CSF2RA: variants seen among roughly 807,000 people sequenced by gnomAD.
CSF2RA encodes the protein granulocyte-macrophage colony-stimulating factor receptor subunit alpha.
Under a neutral mutation model 51.6 loss-of-function variants are expected in CSF2RA, and 42 were observed. That is an observed-to-expected ratio of 0.81 (90% CI 0.64 to 1.05). The LOEUF is 1.05. Ranked by LOEUF, CSF2RA falls within the 50% of genes least tolerant of loss-of-function variation. CSF2RA has a pLI of 0.00. For synonymous variants in CSF2RA, 222 were observed against 193.0 expected (o/e 1.15, Z -1.24); for missense variants, 530 against 501.1 (o/e 1.06, Z -0.55).
At chrX:1,287,635 G>A (rs1278743654) in intron 4 of CSF2RA, among the ~76,000 whole-genome samples, 1 of 143,120 alleles carries the variant, frequency 7.0e-6, no homozygotes, top group Non-Finnish European at 1.5e-5. Flanking sequence ...GTAGAGACGG[G>A]GTTTCACCAT....
chrX:1,305,371 C>G, intron 11 of CSF2RA, 75 bp from the exon 12 acceptor site: 2 of 1,529,348 alleles, frequency 1.3e-6, no homozygotes, highest in Non-Finnish European at 1.8e-6. Context: ...CAGCATCCCT[C>G]GGCACAGGGC....
chrX:1,287,746 T>A (rs1480306269), intron 4 of CSF2RA, among the ~76,000 whole-genome samples: 2 of 126,388 alleles, frequency 1.6e-5, no homozygotes, highest in African/African-American at 6.1e-5. Context: ...GTCCGACCCT[T>A]TTTTTGGGGG....
chrX:1,288,695 C>T, intron 5 of CSF2RA, 53 bp downstream of exon 5: 2 of 1,613,914 alleles, frequency 1.2e-6, no homozygotes, highest in East Asian at 2.2e-5. Context: ...ACCACCCCGC[C>T]AGCATCAAAG....
rs1461341109 is a variant in CSF2RA at position 1,273,648 on chromosome X, T to G, written c.-90-1107T>G. On this transcript the variant is annotated intron_variant, in intron 1 of 12. Coordinates refer to ENST00000381529, the MANE Select transcript of CSF2RA (RefSeq NM_172245.4). ...CCGGCTGGAGTACAGGGGCATAATC[T>G]TGGCTCACTGCAGCCTCTGCTTCCC... 2.0e-5 allele frequency among the ~76,000 whole-genome samples: 3 copies of G among 149,396 alleles called. No individual in the cohort carries two copies. The Admixed American group carries it at 2.0e-4, about 10-fold the overall frequency.
intron 1 of CSF2RA, among the ~76,000 whole-genome samples, chrX:1,273,336 T>C (rs1466899961): frequency 6.6e-6 from 1 of 151,926 alleles, no homozygotes; most frequent in Non-Finnish European, 1.5e-5. Flanking sequence ...TCTTTTAAGA[T>C]GGTCTCATTC....
intron 2 of CSF2RA, chrX:1,282,242 CAA>C (rs1379360304): frequency 1.1e-5 from 2 of 187,908 alleles, no homozygotes; most frequent in African/African-American, 4.7e-5. Context: ...CAAAACAAAA[CAA>C]AAGTTATGAA....
chrX:1,306,559 A>G (rs1253034935), intron 12 of CSF2RA, among the ~76,000 whole-genome samples: 2 of 151,944 alleles, frequency 1.3e-5, no homozygotes, highest in East Asian at 3.9e-4. Context: ...AGGCAGGAGA[A>G]TCACTTGAAC....
At chrX:1,274,690 C>T in intron 1 of CSF2RA, 65 bp from the exon 2 acceptor site, 2 of 451,236 alleles carry the variant, frequency 4.4e-6, no homozygotes, top group Non-Finnish European at 8.8e-6. Flanking sequence ...GCAGGTTTGC[C>T]TAAGACAGTT....
intron 7 of CSF2RA, among the ~76,000 whole-genome samples, chrX:1,292,589 T>C (rs1372616020): frequency 2.6e-5 from 4 of 152,126 alleles, no homozygotes; most frequent in Non-Finnish European, 5.9e-5. Flanking sequence ...GGGAAGCTAC[T>C]ATGCCTGGAT....
chrX:1,294,558 A>T (rs1329723782), intron 8 of CSF2RA, 97 bp downstream of exon 8: 8 of 1,533,190 alleles, frequency 5.2e-6, no homozygotes, highest in Admixed American at 1.7e-5. Flanking sequence ...GCCTGGGGGA[A>T]GGATGCGTGG....
chrX:1,289,356 G>A (rs2091109870), intron 6 of CSF2RA, among the ~76,000 whole-genome samples: 2 of 152,058 alleles, frequency 1.3e-5, no homozygotes, highest in Admixed American at 1.3e-4. Flanking sequence ...TCCAACTCCT[G>A]ACCTCAAGTG....
downstream of CSF2RA, among the ~76,000 whole-genome samples, chrX:1,311,719 G>A (rs2084200209): frequency 6.6e-6 from 1 of 152,196 alleles, no homozygotes; most frequent in Non-Finnish European, 1.5e-5. Context: ...GGGATGACAG[G>A]CGTGAGCCAC....
intron 4 of CSF2RA, 46 bp from the exon 5 acceptor site, chrX:1,288,473 C>T: frequency 6.2e-7 from 1 of 1,613,570 alleles, no homozygotes; most frequent in Non-Finnish European, 8.5e-7. Flanking sequence ...CTGTAGGAGA[C>T]AGAAGGTTGT....
rs1487084785 is a variant in CSF2RA, at chrX:1,291,751, T to C, written c.646+1242T>C. Among the ~76,000 whole-genome samples the C allele has an allele frequency of 5.4e-5, 8 of 149,126 alleles. 1 individual carries two copies. Among genetic ancestry groups the C allele is most frequent in the Admixed American group, 1.3e-4 (2 of 14,886 alleles). On this transcript the variant is annotated intron_variant, in intron 7 of 12. Coordinates refer to ENST00000381529, the MANE Select transcript of CSF2RA (RefSeq NM_172245.4). ...ACCCAGTGTAGACAGGAGGAGACCCTGTACCACCTCCACCTGGACCCAGTG... is the reference window on the plus strand; with the variant it reads ...ACCCAGTGTAGACAGGAGGAGACCCCGTACCACCTCCACCTGGACCCAGTG...
chrX:1,270,448 G>A lies in CSF2RA; in HGVS notation c.-91+1569G>A, dbSNP rs1203758385. 4.6e-5 allele frequency among the ~76,000 whole-genome samples: 7 copies of A among 151,918 alleles called. No individual in the cohort carries two copies. The Admixed American group carries it at 4.6e-4, about 10-fold the overall frequency. ...GGACGAGGGTTTCACTGTGTTTCCC[G>A]GGCTGGTCTTGAACTCCTAGACTCA... On this transcript the variant is annotated intron_variant, in intron 1 of 12. Coordinates refer to ENST00000381529, the MANE Select transcript of CSF2RA (RefSeq NM_172245.4).
intron 8 of CSF2RA, among the ~76,000 whole-genome samples, chrX:1,294,878 GA>G (rs2091771832): frequency 1.3e-5 from 2 of 152,070 alleles, no homozygotes; most frequent in African/African-American, 4.8e-5. Flanking sequence ...GACAGGAGGA[GA>G]CCCTGCTCCA....
At chrX:1,289,746 GTGTT>G (rs1471756876) in intron 6 of CSF2RA, among the ~76,000 whole-genome samples, 1 of 134,474 alleles carries the variant, frequency 7.4e-6, no homozygotes, top group African/African-American at 2.8e-5. Context: ...GTTTTCTTTT[GTGTT>G]TGTTTTTGTT....
intron 10 of CSF2RA, among the ~76,000 whole-genome samples, chrX:1,302,703 A>C (rs1278182791): frequency 6.6e-5 from 9 of 137,386 alleles, no homozygotes; most frequent in African/African-American, 2.5e-4. Context: ...TTATTTATTT[A>C]TTTATTTTGA....
intron 4 of CSF2RA, among the ~76,000 whole-genome samples, chrX:1,288,256 TGGATC>T (rs2090995161): frequency 6.8e-6 from 1 of 147,550 alleles, no homozygotes. Flanking sequence ...CCGAGGCGGG[TGGATC>T]ACCTGAGGTC....
Sources: allele counts gnomAD v4.1 joint callset (sites outside exome capture counted in the v4.1 genomes callset), GRCh38; gene constraint gnomAD v4.1.1; transcripts MANE v1.5; gene names NCBI Gene and HGNC (gene_info 2026-07-23, HGNC 2026-07-21).